Variants in RALYL observed in about 807,000 individuals in gnomAD.
The protein encoded by RALYL is RNA-binding Raly-like protein.
In RALYL, 29 loss-of-function variants were observed where a neutral mutation model predicts 35.1. The ratio of observed to expected loss-of-function variants is 0.83; its 90% CI spans 0.61 to 1.13. The LOEUF (loss-of-function observed/expected upper bound fraction) is 1.13. Ranked by LOEUF, RALYL falls within the 50% of genes most tolerant of loss-of-function variation. The pLI is 0.00. For missense variants in RALYL, 359 were observed against 360.4 expected (o/e 1.00, Z 0.03); for synonymous variants, 120 against 127.6 (o/e 0.94, Z 0.40).
chr8:84,689,327 T>A (rs1177875819), intron 2 of RALYL, among the ~76,000 whole-genome samples: 1 of 151,916 alleles, frequency 6.6e-6, no homozygotes, highest in African/African-American at 2.4e-5. Flanking sequence ...GAATATGCGG[T>A]GTTTGGTTTT....
intron 1 of RALYL, among the ~76,000 whole-genome samples, chr8:84,261,546 G>T (rs1014855699): frequency 5.3e-5 from 8 of 152,082 alleles, no homozygotes; most frequent in Non-Finnish European, 1.0e-4. Context: ...CTGCAAAACC[G>T]TGAGTCAATT....
intron 5 of RALYL, among the ~76,000 whole-genome samples, chr8:84,860,321 GGGAAA>G (rs1563760732): frequency 6.6e-6 from 1 of 152,082 alleles, no homozygotes; most frequent in East Asian, 1.9e-4. Flanking sequence ...TGGTGTCCTA[GGGAAA>G]TGGTCCTGCT....
At chr8:84,698,691 G>A (rs1378523265) in intron 2 of RALYL, among the ~76,000 whole-genome samples, 1 of 152,080 alleles carries the variant, frequency 6.6e-6, no homozygotes, top group Non-Finnish European at 1.5e-5. Flanking sequence ...AAGAAAGTAA[G>A]GGCAAGTTTC....
At chr8:84,576,695 A>C (rs1239166436) in intron 2 of RALYL, among the ~76,000 whole-genome samples, 1 of 152,218 alleles carries the variant, frequency 6.6e-6, no homozygotes, top group African/African-American at 2.4e-5. Flanking sequence ...GATTAAGTAA[A>C]TATCCAGATC....
chr8:84,216,436 A>G (rs60176685), intron 1 of RALYL, among the ~76,000 whole-genome samples: 4,941 of 152,210 alleles, frequency 0.032, 274 homozygotes, highest in African/African-American at 0.11. Flanking sequence ...AATACATTTT[A>G]TTGTGTATAC....
chr8:84,529,662 G>T (rs538283619), intron 2 of RALYL, 85 bp downstream of exon 2: 28 of 1,190,696 alleles, frequency 2.4e-5, no homozygotes, highest in Non-Finnish European at 2.5e-5. Context: ...CACCACTGTT[G>T]TTTCTACCTC....
At chr8:84,719,676 T>G (rs1466437976) in intron 2 of RALYL, among the ~76,000 whole-genome samples, 1 of 152,112 alleles carries the variant, frequency 6.6e-6, no homozygotes, top group Non-Finnish European at 1.5e-5. Context: ...AAAATTGACA[T>G]AAAAATTGTA....
At chr8:84,623,263 T>G (rs1821970939) in intron 2 of RALYL, among the ~76,000 whole-genome samples, 1 of 152,192 alleles carries the variant, frequency 6.6e-6, no homozygotes, top group Admixed American at 6.5e-5. Flanking sequence ...TGTGTCATGT[T>G]ATCGTGACAC....
chr8:84,377,177 A>G (rs1276830142), intron 1 of RALYL, among the ~76,000 whole-genome samples: 1 of 151,812 alleles, frequency 6.6e-6, no homozygotes, highest in African/African-American at 2.4e-5. Flanking sequence ...TATCACAACT[A>G]GTGTAATTTA....
At chr8:84,431,265 A>C (rs533007723) in intron 1 of RALYL, among the ~76,000 whole-genome samples, 1 of 152,062 alleles carries the variant, frequency 6.6e-6, no homozygotes, top group Admixed American at 6.6e-5. Flanking sequence ...TGTCAGAACC[A>C]GTGCTGGAAG....
intron 1 of RALYL, among the ~76,000 whole-genome samples, chr8:84,395,665 G>A (rs1861619376): frequency 6.6e-6 from 1 of 151,744 alleles, no homozygotes; most frequent in Non-Finnish European, 1.5e-5. Context: ...AAAATAGCAA[G>A]GTTTTAACAT....
At position 84,761,521 on chromosome 8, in the gene RALYL, A is replaced by G. The variant is rs1812700731; in HGVS notation, c.257-13058A>G. 2.0e-5 allele frequency among the ~76,000 whole-genome samples: 3 copies of G among 152,088 alleles called. No individual in the cohort carries two copies. The South Asian group carries it at 6.2e-4, about 32-fold the overall frequency. On this transcript the variant is annotated intron_variant, in intron 2 of 8. Coordinates refer to ENST00000521268, the MANE Select transcript of RALYL (RefSeq NM_173848.7). ...GAATTAATTAAAATTTTGAAATTATATAATTTTAATAATTTTAATGCCCCC... is the reference window on the plus strand; with the variant it reads ...GAATTAATTAAAATTTTGAAATTATGTAATTTTAATAATTTTAATGCCCCC...
chr8:84,276,560 A>T (rs1835421288), intron 1 of RALYL, among the ~76,000 whole-genome samples: 1 of 152,192 alleles, frequency 6.6e-6, no homozygotes, highest in African/African-American at 2.4e-5. Context: ...AATAGGAGAC[A>T]TAAAGTATAC....
chr8:84,868,398 T>G (rs1340506394), intron 6 of RALYL, among the ~76,000 whole-genome samples: 3 of 152,060 alleles, frequency 2.0e-5, no homozygotes, highest in Admixed American at 6.6e-5. Flanking sequence ...CTCAGCATGT[T>G]GCCCAGGCTG....
At chr8:84,497,641 TG>T (rs1381594108) in intron 1 of RALYL, among the ~76,000 whole-genome samples, 3 of 132,674 alleles carry the variant, frequency 2.3e-5, no homozygotes, top group African/African-American at 8.7e-5. Context: ...TTTTTGTTTT[TG>T]TTTTTTTTTT....
intron 1 of RALYL, among the ~76,000 whole-genome samples, chr8:84,465,144 A>C (rs2051395702): frequency 7.6e-6 from 1 of 132,088 alleles, no homozygotes; most frequent in Non-Finnish European, 1.6e-5. Flanking sequence ...TCTTTAGTTT[A>C]ATTAGATCCC....
intron 1 of RALYL, among the ~76,000 whole-genome samples, chr8:84,514,847 T>C (rs1311914373): frequency 7.7e-6 from 1 of 130,098 alleles, no homozygotes; most frequent in Non-Finnish European, 1.7e-5. Flanking sequence ...TTGCAGGTGC[T>C]AGTATTATTA....
At chr8:84,705,064 A>G (rs115898043) in intron 2 of RALYL, among the ~76,000 whole-genome samples, 1,596 of 152,256 alleles carry the variant, frequency 0.01, 35 homozygotes, top group African/African-American at 0.036. Context: ...TCAGACACCC[A>G]AGTCAGCACC....
chr8:84,211,822 A>T (rs1819561014), intron 1 of RALYL, among the ~76,000 whole-genome samples: 1 of 152,158 alleles, frequency 6.6e-6, no homozygotes, highest in South Asian at 2.1e-4. Flanking sequence ...TGGAAAATTA[A>T]CCCTAGGGAA....
Sources: gnomAD v4.1 joint callset for allele counts (sites outside exome capture counted in the v4.1 genomes callset) on GRCh38, gnomAD v4.1.1 for gene constraint, MANE v1.5 for transcripts, NCBI Gene and HGNC (gene_info 2026-07-23, HGNC 2026-07-21) for gene names.